Variants in TBC1D9 observed in about 807,000 individuals in gnomAD.
TBC1D9 encodes the protein TBC1 domain family member 9.
In TBC1D9, 63 loss-of-function variants were observed where a neutral mutation model predicts 132.0. The ratio of observed to expected loss-of-function variants is 0.48; its 90% confidence interval spans 0.39 to 0.59. TBC1D9 has a LOEUF of 0.59. Among genes scored for constraint, TBC1D9 ranks in the 20% least tolerant of loss-of-function variants. The pLI, the probability that TBC1D9 is intolerant of heterozygous loss-of-function variation, is 0.00. For synonymous variants in TBC1D9, 610 were observed against 609.9 expected, an observed-to-expected ratio of 1.00 and a Z score of 0.00; for missense variants, 1,261 against 1,592.7, an observed-to-expected ratio of 0.79 and a Z score of 3.54.
intron 13 of TBC1D9, among the ~76,000 whole-genome samples, chr4:140,641,053 G>T (rs1474724012): frequency 2.7e-5 from 1 of 37,232 alleles, no homozygotes; most frequent in Non-Finnish European, 5.3e-5. Context: ...GCAATAAAAA[G>T]AACAATATAT....
rs967967931 is a variant in TBC1D9 at position 140,756,310 on chromosome 4, G to A, written c.-265C>T. 6.6e-6 allele frequency among the ~76,000 whole-genome samples: 1 copy of A among 151,920 alleles called. No individual in the cohort carries two copies. The highest frequency in any genetic ancestry group is 2.4e-5 in the African/African-American group (1 of 41,392). ...CGGCGTCGCCGCCCCGCGAGAGCCC[G>A]CGGCCGCAGACGCCCGGCCTGGCAC... is the stretch of plus-strand genomic sequence containing the variant. On this transcript the variant is annotated 5_prime_UTR_variant, in exon 1 of 21. Coordinates refer to ENST00000442267, the MANE Select transcript of TBC1D9 (RefSeq NM_015130.3). This position sits in a 1 kb window ranked among gnomAD's most constrained non-coding sequence, Gnocchi z 5.6.
chr4:140,681,110 C>T (rs576970653), intron 3 of TBC1D9, among the ~76,000 whole-genome samples: 1 of 152,276 alleles, frequency 6.6e-6, no homozygotes, highest in South Asian at 2.1e-4. Flanking sequence ...CACTGGACTA[C>T]ATCCTACCCA....
chr4:140,669,347 T>A (rs1228758760), intron 8 of TBC1D9, among the ~76,000 whole-genome samples: 1 of 152,214 alleles, frequency 6.6e-6, no homozygotes, highest in Non-Finnish European at 1.5e-5. Flanking sequence ...GAAAGTAAGT[T>A]AATGATGTTT....
At chr4:140,731,680 C>CAA (rs2111068362) in intron 1 of TBC1D9, among the ~76,000 whole-genome samples, 1 of 151,372 alleles carries the variant, frequency 6.6e-6, no homozygotes, top group East Asian at 1.9e-4. Flanking sequence ...CACACACACA[C>CAA]ACACACACAC....
At position 140,640,365 on chromosome 4, in the gene TBC1D9, C is replaced by T. The variant is rs1279879847; in HGVS notation, c.2338-937G>A. On this transcript the variant is annotated intron_variant, in intron 13 of 20. Coordinates refer to ENST00000442267, the MANE Select transcript of TBC1D9 (RefSeq NM_015130.3). Reference sequence around the variant, plus strand: ...AGGGAACAGTCAACTCTGCATTTGTCTGGCGCTCAGTAAATCTGCACTTTA... The same window carrying T: ...AGGGAACAGTCAACTCTGCATTTGTTTGGCGCTCAGTAAATCTGCACTTTA... Among the ~76,000 whole-genome samples, 3 of 144,244 alleles carry T rather than the reference C, an allele frequency of 2.1e-5. No individual in the cohort carries two copies. In the East Asian group the frequency reaches 6.2e-4, roughly 30 times the overall value. 94.6% of individuals were successfully genotyped at this position (144,244 alleles called of 152,430 possible).
chr4:140,641,110 A>AAAAAAAAG (rs1736985624), intron 13 of TBC1D9, among the ~76,000 whole-genome samples: 1 of 150,274 alleles, frequency 6.7e-6, no homozygotes, highest in Non-Finnish European at 1.5e-5. Flanking sequence ...AAAAACAAAA[A>AAAAAAAAG]AAAACAGAAG....
In TBC1D9 at chr4:140,632,262, G is replaced by GTTTTT. The variant is rs11375011; in HGVS notation, c.2746+1681_2746+1685dup. Among the ~76,000 whole-genome samples, 930 of 147,436 alleles carry GTTTTT rather than the reference G, an allele frequency of 6.3e-3. 15 individuals are homozygous for GTTTTT. The highest frequency in any genetic ancestry group is 0.022 in the African/African-American group (895 of 39,924). On this transcript the variant is annotated intron_variant, in intron 16 of 20. Transcript: ENST00000442267. The stretch of plus-strand genomic sequence containing the variant: ...TTCTCCTCTTTATTTTTGCCCAAAG[G>GTTTTT]TTTTTTTTTTTTAAATATCTCTTTT...
At chr4:140,691,636 A>G (rs1247725584) in intron 2 of TBC1D9, among the ~76,000 whole-genome samples, 1 of 152,214 alleles carries the variant, frequency 6.6e-6, no homozygotes, top group Admixed American at 6.5e-5. Context: ...GGGTATGAGA[A>G]TCCTTCAGGA....
At chr4:140,648,829 C>T (rs1398198498) in intron 13 of TBC1D9, among the ~76,000 whole-genome samples, 1 of 152,112 alleles carries the variant, frequency 6.6e-6, no homozygotes, top group East Asian at 1.9e-4. Flanking sequence ...CTTTCTCTCC[C>T]CCAGACTTAG....
At chr4:140,711,480 G>T (rs1253779540) in intron 1 of TBC1D9, among the ~76,000 whole-genome samples, 1 of 152,150 alleles carries the variant, frequency 6.6e-6, no homozygotes, top group Admixed American at 6.5e-5. Context: ...CACATTTGCA[G>T]AAGCCACTCA....
At chr4:140,669,117 T>G in intron 8 of TBC1D9, 50 bp from the exon 9 acceptor site, 5 of 1,580,168 alleles carry the variant, frequency 3.2e-6, no homozygotes, top group Non-Finnish European at 3.5e-6. Context: ...CTGAGGATGG[T>G]AAGAGAAGAG....
intron 13 of TBC1D9, among the ~76,000 whole-genome samples, chr4:140,647,424 G>A (rs1334881364): frequency 6.6e-6 from 1 of 152,074 alleles, no homozygotes; most frequent in Non-Finnish European, 1.5e-5. Context: ...CATAAATTTT[G>A]GAGCTAGACA....
intron 1 of TBC1D9, among the ~76,000 whole-genome samples, chr4:140,752,568 T>C (rs1462961430): frequency 6.7e-6 from 1 of 148,612 alleles, no homozygotes; most frequent in Non-Finnish European, 1.5e-5. Flanking sequence ...TTTTTTTTTA[T>C]CCTGGTGTTG....
At chr4:140,642,399 G>A in intron 13 of TBC1D9, 2 of 852,218 alleles carry the variant, frequency 2.3e-6, no homozygotes, top group Non-Finnish European at 2.0e-6. Context: ...CAGGCCGGAG[G>A]CCCTTGGCCA....
intron 2 of TBC1D9, among the ~76,000 whole-genome samples, chr4:140,689,642 TC>T (rs1314387188): frequency 2.1e-4 from 2 of 9,512 alleles, no homozygotes; most frequent in East Asian, 3.7e-3. Flanking sequence ...CCCTTCCCTC[TC>T]CCCCCCTCTC....
At chr4:140,696,573 G>T (rs564124929) in intron 2 of TBC1D9, among the ~76,000 whole-genome samples, 1 of 152,072 alleles carries the variant, frequency 6.6e-6, no homozygotes, top group South Asian at 2.1e-4. Flanking sequence ...CCGAGGGCCA[G>T]GTGCTTATTA....
intron 9 of TBC1D9, 28 bp from the exon 10 acceptor site, chr4:140,662,135 C>G (rs778441539): frequency 6.3e-7 from 1 of 1,579,130 alleles, no homozygotes; most frequent in Admixed American, 1.7e-5. Context: ...GATACAGTAT[C>G]AAAAACGTGA....
At chr4:140,650,422 C>A (rs1424382637) in intron 13 of TBC1D9, among the ~76,000 whole-genome samples, 1 of 152,230 alleles carries the variant, frequency 6.6e-6, no homozygotes, top group African/African-American at 2.4e-5. Flanking sequence ...CTGTCTAGTT[C>A]CAGAAGCCCA....
At chr4:140,671,697 T>C (rs1737538655) in intron 6 of TBC1D9, among the ~76,000 whole-genome samples, 1 of 151,458 alleles carries the variant, frequency 6.6e-6, no homozygotes, top group South Asian at 2.1e-4. Flanking sequence ...TGTGTGTGTG[T>C]GTGTGTGTGT....
Sources: gnomAD v4.1 joint callset for allele counts (sites outside exome capture counted in the v4.1 genomes callset) on GRCh38, gnomAD v4.1.1 for gene constraint, Gnocchi (gnomAD v3.1) non-coding constraint, MANE v1.5 for transcripts, NCBI Gene and HGNC (gene_info 2026-07-23, HGNC 2026-07-21) for gene names.